Variants in WSCD2 observed in about 807,000 individuals in gnomAD.
The protein encoded by WSCD2 is sialate:O-sulfotransferase 2.
WSCD2 carries 28 observed loss-of-function variants against 55.7 expected under a neutral mutation model. That is an observed-to-expected ratio of 0.50 (90% confidence interval 0.37 to 0.69). WSCD2 has a LOEUF of 0.69. Among genes scored for constraint, WSCD2 ranks in the 30% least tolerant of loss-of-function variants. The pLI is 0.00. For synonymous variants in WSCD2, 301 were observed against 301.9 expected (o/e 1.00, Z 0.03); for missense variants, 616 against 762.1 (o/e 0.81, Z 2.26).
intron 1 of WSCD2, among the ~76,000 whole-genome samples, chr12:108,173,817 T>TGTGC (rs1287122722): frequency 2.7e-5 from 4 of 147,982 alleles, no homozygotes; most frequent in Admixed American, 2.7e-4. Flanking sequence ...TCTCTGTGTG[T>TGTGC]GTGTGTGTGT....
At chr12:108,157,417 C>G (rs555368694) in intron 1 of WSCD2, among the ~76,000 whole-genome samples, 37 of 152,222 alleles carry the variant, frequency 2.4e-4, no homozygotes, top group African/African-American at 8.7e-4. Context: ...TGACATGTGT[C>G]CACCATTACA....
chr12:108,219,921 C>T (rs1025465603), intron 4 of WSCD2, among the ~76,000 whole-genome samples: 2 of 152,216 alleles, frequency 1.3e-5, no homozygotes, highest in African/African-American at 4.8e-5. Context: ...AAGATCTGGA[C>T]ATTTGAGGAT....
intron 1 of WSCD2, chr12:108,167,340 T>TTGGACTCA (rs1278962284): frequency 6.6e-6 from 1 of 152,202 alleles, no homozygotes; most frequent in Non-Finnish European, 1.5e-5. Flanking sequence ...ACTCTGCCTC[T>TTGGACTCA]TGGACTCATG....
At chr12:108,216,233 G>A (rs867966230) in intron 4 of WSCD2, among the ~76,000 whole-genome samples, 1 of 152,172 alleles carries the variant, frequency 6.6e-6, no homozygotes, top group Non-Finnish European at 1.5e-5. Flanking sequence ...ATCTTGCTAA[G>A]TTTCAGGGTC....
intron 1 of WSCD2, among the ~76,000 whole-genome samples, chr12:108,174,797 T>G (rs1382247404): frequency 6.6e-6 from 1 of 152,042 alleles, no homozygotes; most frequent in African/African-American, 2.4e-5. Flanking sequence ...AAACGTGAGT[T>G]TTTTTGCAGA....
intron 2 of WSCD2, among the ~76,000 whole-genome samples, chr12:108,198,715 C>T (rs1386511188): frequency 6.6e-6 from 1 of 152,142 alleles, no homozygotes; most frequent in African/African-American, 2.4e-5. Context: ...AATAATAGGT[C>T]ACTTAATAGT....
At chr12:108,135,338 C>T (rs928948630) in intron 1 of WSCD2, among the ~76,000 whole-genome samples, 8 of 152,182 alleles carry the variant, frequency 5.3e-5, no homozygotes, top group East Asian at 1.9e-4. Flanking sequence ...AGTAGGAGAA[C>T]CTGGGTTATG....
At chr12:108,177,833 G>T (rs1055195369) in intron 1 of WSCD2, among the ~76,000 whole-genome samples, 6 of 152,118 alleles carry the variant, frequency 3.9e-5, no homozygotes, top group African/African-American at 1.4e-4. Context: ...TGGCCCCTGG[G>T]GAGGGTGATT....
intron 8 of WSCD2, among the ~76,000 whole-genome samples, chr12:108,242,511 G>C (rs962842662): frequency 1.2e-4 from 18 of 152,260 alleles, no homozygotes; most frequent in African/African-American, 4.3e-4. Context: ...GTGGGCCTCT[G>C]TGCTGGCTGC....
chr12:108,203,618 C>G (rs1463574553), intron 2 of WSCD2, among the ~76,000 whole-genome samples: 1 of 152,222 alleles, frequency 6.6e-6, no homozygotes, highest in East Asian at 1.9e-4. Context: ...CAGTCCACTA[C>G]AGTCCACCCC....
At chr12:108,238,059 C>T (rs558915733) in intron 7 of WSCD2, among the ~76,000 whole-genome samples, 2 of 152,252 alleles carry the variant, frequency 1.3e-5, no homozygotes, top group Admixed American at 1.3e-4. Context: ...GATGGAAAGC[C>T]CTTTGTCCAT....
rs1464984457 is a variant in WSCD2 at position 108,242,454 on chromosome 12, ACT to A, written c.1345+1913_1345+1914del. Among the ~76,000 whole-genome samples the A allele has an allele frequency of 3.9e-5, 6 of 152,010 alleles. No homozygotes were observed. In the East Asian group the frequency reaches 1.2e-3, roughly 29 times the overall value. On this transcript the variant is annotated intron_variant, in intron 8 of 8. Coordinates refer to ENST00000547525, the MANE Select transcript of WSCD2 (RefSeq NM_014653.4). ...GTAGTAGCCTGTCCTAAGAGCACAG[ACT>A]CTGCTTGTCAAAGCTGGAAAAGACC...
At chr12:108,141,328 T>G (rs1404898352) in intron 1 of WSCD2, among the ~76,000 whole-genome samples, 1 of 152,224 alleles carries the variant, frequency 6.6e-6, no homozygotes, top group South Asian at 2.1e-4. Context: ...CCCGAACTCC[T>G]GGACTCAAGC....
At chr12:108,141,511 C>G (rs1876807809) in intron 1 of WSCD2, among the ~76,000 whole-genome samples, 1 of 152,160 alleles carries the variant, frequency 6.6e-6, no homozygotes. Context: ...ACTCTCTTAC[C>G]TTTTCCAGCA....
intron 1 of WSCD2, chr12:108,167,554 C>T (rs1790421876): frequency 6.6e-6 from 1 of 152,222 alleles, no homozygotes; most frequent in African/African-American, 2.4e-5. Context: ...GGCTCCCAGA[C>T]ATCAAAATTC....
intron 6 of WSCD2, among the ~76,000 whole-genome samples, chr12:108,227,894 G>A (rs1888315745): frequency 6.6e-6 from 1 of 152,134 alleles, no homozygotes; most frequent in Non-Finnish European, 1.5e-5. Context: ...TGACGATGAT[G>A]GTGATGAGAA....
At chr12:108,143,403 C>T (rs1250506758) in intron 1 of WSCD2, among the ~76,000 whole-genome samples, 1 of 151,192 alleles carries the variant, frequency 6.6e-6, no homozygotes, top group Non-Finnish European at 1.5e-5. Context: ...CTTCCTGAGC[C>T]ACAAAGACCA....
intron 1 of WSCD2, among the ~76,000 whole-genome samples, chr12:108,159,472 G>A (rs1054465726): frequency 1.3e-4 from 20 of 152,218 alleles, no homozygotes; most frequent in African/African-American, 4.8e-4. Context: ...GTACTACAGT[G>A]TTATGCCTCT....
chr12:108,142,790 C>G (rs1298193097), intron 1 of WSCD2, among the ~76,000 whole-genome samples: 2 of 151,958 alleles, frequency 1.3e-5, no homozygotes, highest in Non-Finnish European at 2.9e-5. Context: ...TTCCTTTCTC[C>G]TTCCTTCTCT....
Sources: allele counts gnomAD v4.1 joint callset (sites outside exome capture counted in the v4.1 genomes callset), GRCh38; gene constraint gnomAD v4.1.1; transcripts MANE v1.5; gene names NCBI Gene and HGNC (gene_info 2026-07-23, HGNC 2026-07-21).